Variants in CAMK4 observed in about 807,000 individuals in gnomAD.
CAMK4 encodes the protein calcium/calmodulin dependent protein kinase IV.
A neutral mutation model predicts 44.9 loss-of-function variants in CAMK4; 22 were observed. That is an observed-to-expected ratio of 0.49 (90% CI 0.35 to 0.70). The LOEUF (loss-of-function observed/expected upper bound fraction) is 0.70. Ranked by LOEUF, CAMK4 falls within the 30% of genes least tolerant of loss-of-function variation. CAMK4 has a pLI of 0.01. For missense variants in CAMK4, 498 were observed against 586.8 expected (o/e 0.85, Z 1.56); for synonymous variants, 218 against 215.4 (o/e 1.01, Z -0.11).
chr5:111,463,350 AATC>A (rs901541333), intron 7 of CAMK4, among the ~76,000 whole-genome samples: 9 of 152,216 alleles, frequency 5.9e-5, no homozygotes, highest in African/African-American at 2.2e-4. Context: ...AATGGGAGAG[AATC>A]CACAGACCCT....
chr5:111,418,558 C>T (rs553348587), intron 5 of CAMK4, among the ~76,000 whole-genome samples: 41 of 152,044 alleles, frequency 2.7e-4, no homozygotes, highest in Admixed American at 1.2e-3. Context: ...CGTCATTTAG[C>T]GTTAGGTATA....
intron 1 of CAMK4, among the ~76,000 whole-genome samples, chr5:111,231,457 A>T (rs114851492): frequency 7.2e-4 from 110 of 152,296 alleles, no homozygotes; most frequent in African/African-American, 2.5e-3. Context: ...TTAAACCAAA[A>T]CTGTCTCTAA....
intron 1 of CAMK4, among the ~76,000 whole-genome samples, chr5:111,323,761 A>G (rs1309824523): frequency 1.3e-5 from 2 of 152,126 alleles, no homozygotes; most frequent in Admixed American, 1.3e-4. Context: ...ATGCCAAACA[A>G]ACTTTTTAAT....
At chr5:111,239,101 C>T (rs1748875789) in intron 1 of CAMK4, among the ~76,000 whole-genome samples, 1 of 152,062 alleles carries the variant, frequency 6.6e-6, no homozygotes, top group Non-Finnish European at 1.5e-5. Flanking sequence ...TCTTGAGTAT[C>T]ATATGTTTTC....
chr5:111,455,655 T>C (rs2112990718), intron 7 of CAMK4, among the ~76,000 whole-genome samples: 1 of 152,326 alleles, frequency 6.6e-6, no homozygotes, highest in East Asian at 1.9e-4. Flanking sequence ...TAAGGCGTGG[T>C]AGGTCTCCAC....
At chr5:111,455,830 T>C (rs1295518521) in intron 7 of CAMK4, among the ~76,000 whole-genome samples, 1 of 152,232 alleles carries the variant, frequency 6.6e-6, no homozygotes. Flanking sequence ...TACTTCAGGC[T>C]TGACCTTGAA....
At chr5:111,345,237 CA>C (rs1749818347) in intron 2 of CAMK4, among the ~76,000 whole-genome samples, 1 of 151,784 alleles carries the variant, frequency 6.6e-6, no homozygotes, top group African/African-American at 2.4e-5. Flanking sequence ...AGCAAAATAA[CA>C]AAAACAATTT....
chr5:111,310,811 C>G (rs1164260436), intron 1 of CAMK4, among the ~76,000 whole-genome samples: 6 of 152,042 alleles, frequency 3.9e-5, no homozygotes, highest in African/African-American at 1.4e-4. Context: ...GAATATGTTT[C>G]TTTTTGAGTA....
chr5:111,326,446 C>T (rs1030562837), intron 1 of CAMK4, among the ~76,000 whole-genome samples: 1 of 151,750 alleles, frequency 6.6e-6, no homozygotes, highest in Non-Finnish European at 1.5e-5. Flanking sequence ...AATACATTTT[C>T]TATTAAAAGT....
At chr5:111,468,937 C>T (rs1037948429) in intron 7 of CAMK4, among the ~76,000 whole-genome samples, 5 of 151,152 alleles carry the variant, frequency 3.3e-5, no homozygotes, top group East Asian at 1.9e-4. Flanking sequence ...GAGATCGTGC[C>T]GCTGTACTCC....
chr5:111,356,261 G>T (rs1373725149), intron 2 of CAMK4, among the ~76,000 whole-genome samples: 3 of 151,402 alleles, frequency 2.0e-5, no homozygotes, highest in African/African-American at 7.3e-5. Flanking sequence ...CAGTGATGAT[G>T]AGCATTTTTT....
intron 1 of CAMK4, among the ~76,000 whole-genome samples, chr5:111,267,629 G>A (rs968701729): frequency 2.0e-5 from 3 of 149,024 alleles, no homozygotes; most frequent in Non-Finnish European, 3.0e-5. Context: ...GCGTGAACCC[G>A]GAAGGCGGAG....
chr5:111,358,313 A>C (rs1418421457), intron 2 of CAMK4, among the ~76,000 whole-genome samples: 1 of 152,008 alleles, frequency 6.6e-6, no homozygotes, highest in East Asian at 1.9e-4. Flanking sequence ...GCTTGATGTG[A>C]TTCTTAACTC....
At chr5:111,381,135 T>G (rs1580677637) in intron 4 of CAMK4, among the ~76,000 whole-genome samples, 1 of 152,174 alleles carries the variant, frequency 6.6e-6, no homozygotes, top group Admixed American at 6.5e-5. Context: ...AGATGGCAGG[T>G]TTGCTTTGCT....
chr5:111,461,750 C>T (rs1156789264), intron 7 of CAMK4, among the ~76,000 whole-genome samples: 1 of 134,762 alleles, frequency 7.4e-6, no homozygotes, highest in Non-Finnish European at 1.5e-5. Flanking sequence ...AGATGCTGGG[C>T]TCAAGATACA....
chr5:111,397,661 G>A (rs1451447032), intron 5 of CAMK4, among the ~76,000 whole-genome samples: 2 of 119,686 alleles, frequency 1.7e-5, no homozygotes, highest in African/African-American at 7.7e-5. Flanking sequence ...GTGTGTGTGT[G>A]TGTGTGTGTG....
intron 1 of CAMK4, among the ~76,000 whole-genome samples, chr5:111,323,642 C>G (rs954017288): frequency 6.6e-6 from 1 of 151,836 alleles, no homozygotes; most frequent in African/African-American, 2.4e-5. Context: ...CCTGTCTTCC[C>G]AGAATTGTAT....
intron 2 of CAMK4, among the ~76,000 whole-genome samples, chr5:111,349,768 A>G (rs1028359162): frequency 9.2e-5 from 14 of 151,970 alleles, no homozygotes; most frequent in African/African-American, 3.4e-4. Context: ...CTTATTTTCA[A>G]GGAGAACTGA....
At chr5:111,445,839 C>T (rs17458552) in intron 5 of CAMK4, among the ~76,000 whole-genome samples, 46,945 of 151,954 alleles carry the variant, frequency 0.31, 7,794 homozygotes, top group Non-Finnish European at 0.37. Context: ...GTGAATCTAG[C>T]CCAGTGTATA....
Sources: allele counts gnomAD v4.1 joint callset (sites outside exome capture counted in the v4.1 genomes callset), GRCh38; gene constraint gnomAD v4.1.1; transcripts MANE v1.5; gene names NCBI Gene and HGNC (gene_info 2026-07-23, HGNC 2026-07-21).